The following CSMD1 variants were observed in gnomAD, a reference collection of about 807,000 sequenced individuals.
The protein encoded by CSMD1 is CUB and Sushi multiple domains 1, also known as CUB and sushi domain-containing protein 1.
Under a neutral mutation model 417.5 loss-of-function variants are expected in CSMD1, and 213 were observed. The ratio of observed to expected loss-of-function variants is 0.51; its 90% CI spans 0.46 to 0.57. The LOEUF is 0.57. CSMD1 is among the 20% of genes least tolerant of loss of function. The probability of loss-of-function intolerance (pLI) is 0.00; values close to 1 mark genes in which losing one functional copy is unlikely to be tolerated. For missense variants in CSMD1, 6,923 were observed against 4,529.7 expected (o/e 1.53, Z -15.17); for synonymous variants, 2,862 against 1,736.8 (o/e 1.65, Z -16.11).
At chr8:3,336,237 A>G (rs1457151084) in intron 23 of CSMD1, among the ~76,000 whole-genome samples, 1 of 152,124 alleles carries the variant, frequency 6.6e-6, no homozygotes, top group African/African-American at 2.4e-5. Context: ...GTTACAATAC[A>G]TGCTAATCAG....
chr8:4,887,615 G>A lies in CSMD1; in HGVS notation c.85+106717C>T, dbSNP rs1241459029. Among the ~76,000 whole-genome samples the A allele has an allele frequency of 2.0e-5, 3 of 151,500 alleles. No individual in the cohort carries two copies. The East Asian group carries it at 5.8e-4, about 29-fold the overall frequency. Reference sequence around the variant, plus strand: ...TCTATTTCTGCTTTTTAATTCTATTGGTTTTGCTTTATTTTCAATATTTAT... The same window carrying A: ...TCTATTTCTGCTTTTTAATTCTATTAGTTTTGCTTTATTTTCAATATTTAT... On this transcript the variant is annotated intron_variant, in intron 1 of 69. Coordinates refer to ENST00000635120, the MANE Select transcript of CSMD1 (RefSeq NM_033225.6).
intron 3 of CSMD1, among the ~76,000 whole-genome samples, chr8:4,133,309 G>A (rs868608795): frequency 6.6e-6 from 1 of 152,132 alleles, no homozygotes; most frequent in Non-Finnish European, 1.5e-5. Flanking sequence ...AGTTTATACT[G>A]GAATGAGGAC....
intron 10 of CSMD1, among the ~76,000 whole-genome samples, chr8:3,530,035 T>C (rs1352301027): frequency 1.3e-5 from 2 of 152,188 alleles, no homozygotes; most frequent in Non-Finnish European, 2.9e-5. Context: ...GAATGAGCCG[T>C]GAGTATACAT....
intron 26 of CSMD1, among the ~76,000 whole-genome samples, chr8:3,265,704 G>T (rs538576178): frequency 6.6e-6 from 1 of 152,306 alleles, no homozygotes; most frequent in Admixed American, 6.5e-5. Flanking sequence ...AATCTGAAGA[G>T]GTTTTTTTCT....
At position 3,505,032 on chromosome 8, in the gene CSMD1, T is replaced by C. The variant is rs182618716; in HGVS notation, c.1345-11306A>G. On this transcript the variant is annotated intron_variant, in intron 10 of 69. Coordinates refer to ENST00000635120, the MANE Select transcript of CSMD1 (RefSeq NM_033225.6). ...GAAACAGTTAAAAAAAAAAAAAGTTTTGCTGCATAAGATGGGAGAATAAGC... is the reference window on the plus strand; with the variant it reads ...GAAACAGTTAAAAAAAAAAAAAGTTCTGCTGCATAAGATGGGAGAATAAGC... Among the ~76,000 whole-genome samples the C allele has an allele frequency of 6.8e-4, 103 of 150,582 alleles. No homozygotes were observed. The East Asian group carries it at 0.013, about 19-fold the overall frequency.
intron 7 of CSMD1, among the ~76,000 whole-genome samples, chr8:3,688,910 T>G (rs944306285): frequency 6.6e-6 from 1 of 152,004 alleles, no homozygotes; most frequent in African/African-American, 2.4e-5. Flanking sequence ...GGAGCAAACT[T>G]AAAAAGTTAA....
intron 8 of CSMD1, among the ~76,000 whole-genome samples, chr8:3,605,051 G>C (rs1484528827): frequency 6.6e-6 from 1 of 152,200 alleles, no homozygotes; most frequent in South Asian, 2.1e-4. Context: ...CTGGAGTGCA[G>C]TGGTGCCATC....
intron 1 of CSMD1, among the ~76,000 whole-genome samples, chr8:4,951,542 A>T (rs1307830658): frequency 6.6e-6 from 1 of 150,620 alleles, no homozygotes; most frequent in African/African-American, 2.4e-5. Flanking sequence ...AAAAGAAAAG[A>T]AAAGAAAAAA....
intron 1 of CSMD1, among the ~76,000 whole-genome samples, chr8:4,926,241 G>C (rs1585343053): frequency 6.6e-6 from 1 of 152,234 alleles, no homozygotes; most frequent in Middle Eastern, 3.4e-3. Context: ...TTTTCTTGTG[G>C]ACACAATGAA....
intron 42 of CSMD1, among the ~76,000 whole-genome samples, chr8:3,115,125 T>C (rs1192604187): frequency 1.3e-5 from 2 of 152,130 alleles, no homozygotes; most frequent in African/African-American, 2.4e-5. Flanking sequence ...GAATGCATAT[T>C]TAATTAGAAA....
intron 40 of CSMD1, among the ~76,000 whole-genome samples, chr8:3,144,164 G>C (rs779458209): frequency 5.3e-5 from 8 of 152,064 alleles, no homozygotes; most frequent in Non-Finnish European, 1.2e-4. Context: ...ATTTACAGGC[G>C]AGCAAACTAA....
intron 2 of CSMD1, among the ~76,000 whole-genome samples, chr8:4,613,628 C>A (rs143426802): frequency 6.6e-6 from 1 of 152,062 alleles, no homozygotes; most frequent in Admixed American, 6.6e-5. Context: ...GTGACTTGAG[C>A]GAGGTTTGCC....
At chr8:3,215,872 A>C (rs1308964425) in intron 29 of CSMD1, among the ~76,000 whole-genome samples, 6 of 151,932 alleles carry the variant, frequency 3.9e-5, no homozygotes, top group Admixed American at 2.6e-4. Flanking sequence ...GTATTTATTC[A>C]ATATTTTCAA....
intron 5 of CSMD1, among the ~76,000 whole-genome samples, chr8:3,807,201 TGAA>T (rs756382936): frequency 3.3e-5 from 5 of 152,182 alleles, no homozygotes; most frequent in Non-Finnish European, 7.4e-5. Flanking sequence ...GAAATTTTCA[TGAA>T]GAAGCCAGGA....
chr8:4,442,391 G>A (rs940499483), intron 2 of CSMD1, among the ~76,000 whole-genome samples: 4 of 152,154 alleles, frequency 2.6e-5, no homozygotes, highest in African/African-American at 4.8e-5. Context: ...CATTAACAAA[G>A]CCTACGTTTC....
chr8:3,860,411 TTC>T (rs1303385234), intron 5 of CSMD1, among the ~76,000 whole-genome samples: 7 of 152,196 alleles, frequency 4.6e-5, no homozygotes, highest in African/African-American at 1.7e-4. Flanking sequence ...GACTCAATGT[TTC>T]TATGTTACTA....
At chr8:3,544,254 G>C (rs1485775081) in intron 10 of CSMD1, among the ~76,000 whole-genome samples, 3 of 152,070 alleles carry the variant, frequency 2.0e-5, no homozygotes, top group Admixed American at 2.0e-4. Flanking sequence ...CCGACATCCT[G>C]ATACCTTGAA....
intron 20 of CSMD1, 97 bp downstream of exon 20, chr8:3,366,935 A>G: frequency 1.1e-6 from 1 of 940,504 alleles, no homozygotes; most frequent in South Asian, 1.5e-5. Context: ...ACACGGATGC[A>G]CACATTACAC....
intron 3 of CSMD1, among the ~76,000 whole-genome samples, chr8:4,235,312 T>G (rs1373313930): frequency 6.6e-6 from 1 of 152,078 alleles, no homozygotes; most frequent in Non-Finnish European, 1.5e-5. Flanking sequence ...AAAAGAAATT[T>G]TAAAATTTAT....
Sources: allele counts gnomAD v4.1 joint callset (sites outside exome capture counted in the v4.1 genomes callset), GRCh38; gene constraint gnomAD v4.1.1; transcripts MANE v1.5; gene names NCBI Gene and HGNC (gene_info 2026-07-23, HGNC 2026-07-21).